The following ATF1 variants were observed in gnomAD, a reference collection of about 807,000 sequenced individuals.
ATF1 encodes the protein activating transcription factor 1.
A neutral mutation model predicts 34.7 loss-of-function variants in ATF1; 16 were observed. That is an observed-to-expected ratio of 0.46 (90% CI 0.31 to 0.70). The LOEUF is 0.70. Ranked by LOEUF, ATF1 falls within the 30% of genes least tolerant of loss-of-function variation. ATF1 has a pLI of 0.05. For missense variants in ATF1, 255 were observed against 321.6 expected (o/e 0.79, Z 1.58); for synonymous variants, 105 against 113.1 (o/e 0.93, Z 0.46).
chr12:50,765,256 T>C (rs1416181587), intron 1 of ATF1, among the ~76,000 whole-genome samples: 1 of 152,166 alleles, frequency 6.6e-6, no homozygotes, highest in Non-Finnish European at 1.5e-5. Flanking sequence ...AACCTGAGGT[T>C]TTTGTTAACA....
chr12:50,785,496 A>C (rs1477798758), intron 2 of ATF1, among the ~76,000 whole-genome samples: 1 of 152,076 alleles, frequency 6.6e-6, no homozygotes, highest in Non-Finnish European at 1.5e-5. Context: ...AGAACAAATC[A>C]CCACAAAGCT....
chr12:50,815,107 G>A (rs1338421147), intron 6 of ATF1, among the ~76,000 whole-genome samples: 2 of 151,922 alleles, frequency 1.3e-5, no homozygotes, highest in Admixed American at 1.3e-4. Context: ...GGGCAACAGA[G>A]TGAGACTCTG....
intron 4 of ATF1, among the ~76,000 whole-genome samples, chr12:50,810,294 T>G (rs1941708966): frequency 6.7e-6 from 1 of 148,796 alleles, no homozygotes; most frequent in Non-Finnish European, 1.5e-5. Context: ...CTCGGCTCAC[T>G]GCAACTTCCA....
chr12:50,818,768 G>A (rs1458624399), intron 6 of ATF1, among the ~76,000 whole-genome samples: 6 of 152,048 alleles, frequency 3.9e-5, no homozygotes, highest in Non-Finnish European at 8.8e-5. Context: ...TGCCACCACA[G>A]CTAATTTTTG....
At chr12:50,787,093 C>T (rs536933635) in intron 2 of ATF1, among the ~76,000 whole-genome samples, 13 of 152,176 alleles carry the variant, frequency 8.5e-5, no homozygotes, top group Middle Eastern at 3.2e-3. Flanking sequence ...CCCTTCCCTA[C>T]GCACACACAC....
intron 2 of ATF1, among the ~76,000 whole-genome samples, chr12:50,783,534 A>G (rs1338589803): frequency 6.6e-6 from 1 of 152,188 alleles, no homozygotes; most frequent in Non-Finnish European, 1.5e-5. Context: ...GAATAAATAC[A>G]TTTCTAGATA....
intron 3 of ATF1, among the ~76,000 whole-genome samples, chr12:50,805,941 G>A (rs1032647093): frequency 5.9e-5 from 9 of 152,032 alleles, no homozygotes; most frequent in African/African-American, 9.7e-5. Flanking sequence ...ACCTGAGGTC[G>A]GGAGTTCAAC....
chr12:50,765,513 TTTTG>T (rs144997003), intron 1 of ATF1, among the ~76,000 whole-genome samples: 75 of 152,252 alleles, frequency 4.9e-4, no homozygotes, highest in East Asian at 1.5e-3. Flanking sequence ...TTTTGTTTTG[TTTTG>T]TTTGTTTGTT....
In ATF1 at chr12:50,814,341, A is replaced by G. The variant is rs1345615168; in HGVS notation, c.573A>G (p.Pro191=). Residue 191 remains proline, a synonymous_variant, in exon 6 of 7, where the codon CCA becomes CCG. Transcript: ENST00000262053. ...IRTTPSATSL[P]QTVVMTSPVT... ...CTACACCTTCAGCTACTTCTCTGCC[A>G]CAAACTGTGGTGATGACATCTCCTG... The G allele has an allele frequency of 2.2e-5, 36 of 1,614,192 alleles. No homozygotes were observed. Among genetic ancestry groups the G allele is most frequent in the Non-Finnish European group, 2.7e-5 (32 of 1,179,998 alleles).
intron 2 of ATF1, among the ~76,000 whole-genome samples, chr12:50,790,762 G>A (rs974822042): frequency 6.6e-6 from 1 of 151,762 alleles, no homozygotes; most frequent in African/African-American, 2.4e-5. Context: ...TTGCTCATTG[G>A]CACTTGTCAA....
chr12:50,809,288 C>T (rs1200784499), intron 3 of ATF1, among the ~76,000 whole-genome samples, 168 bp from the exon 4 acceptor site: 1 of 149,832 alleles, frequency 6.7e-6, no homozygotes, highest in Non-Finnish European at 1.5e-5. Flanking sequence ...GCACAAGACT[C>T]TCTTAAGCCA....
At chr12:50,777,348 T>G (rs1940949958) in intron 1 of ATF1, among the ~76,000 whole-genome samples, 1 of 152,232 alleles carries the variant, frequency 6.6e-6, no homozygotes, top group African/African-American at 2.4e-5. Context: ...CTTTCTATTG[T>G]GTATTTTCCA....
chr12:50,770,910 G>A (rs944782550), intron 1 of ATF1, among the ~76,000 whole-genome samples: 11 of 152,160 alleles, frequency 7.2e-5, no homozygotes, highest in African/African-American at 1.2e-4. Flanking sequence ...CTAACAACCC[G>A]ATATCAGCTT....
upstream of ATF1, chr12:50,763,599 A>ACCC (rs1198377077): frequency 7.5e-6 from 1 of 133,532 alleles, no homozygotes; most frequent in African/African-American, 2.9e-5. Flanking sequence ...TGGGCCACAG[A>ACCC]CCCCCGTCTC....
chr12:50,788,042 T>A (rs1054467089), intron 2 of ATF1, among the ~76,000 whole-genome samples: 4 of 152,080 alleles, frequency 2.6e-5, no homozygotes, highest in Non-Finnish European at 5.9e-5. Context: ...TTTGGGGACA[T>A]TGAAGAGGGA....
At chr12:50,802,159 G>A (rs1941524015) in intron 3 of ATF1, among the ~76,000 whole-genome samples, 1 of 152,118 alleles carries the variant, frequency 6.6e-6, no homozygotes, top group Non-Finnish European at 1.5e-5. Flanking sequence ...CAATAACAAA[G>A]TATAAAAGGT....
At chr12:50,782,783 G>C (rs750899669) in intron 2 of ATF1, among the ~76,000 whole-genome samples, 6 of 143,218 alleles carry the variant, frequency 4.2e-5, no homozygotes. Flanking sequence ...TCTGCCTCTT[G>C]GGTTCAAGTG....
intron 2 of ATF1, among the ~76,000 whole-genome samples, chr12:50,794,088 C>CT (rs1941361478): frequency 6.6e-6 from 1 of 151,630 alleles, no homozygotes; most frequent in South Asian, 2.1e-4. Flanking sequence ...GTAGCTGGGA[C>CT]TACAGGCGCC....
chr12:50,811,745 C>A (rs768435449), intron 4 of ATF1, among the ~76,000 whole-genome samples: 4 of 151,672 alleles, frequency 2.6e-5, no homozygotes, highest in African/African-American at 9.7e-5. Context: ...GAACCGTGAT[C>A]GTACCACCGC....
Sources: gnomAD v4.1 joint callset for allele counts (sites outside exome capture counted in the v4.1 genomes callset) on GRCh38, gnomAD v4.1.1 for gene constraint, MANE v1.5 for transcripts, NCBI Gene and HGNC (gene_info 2026-07-23, HGNC 2026-07-21) for gene names.